The following ITSN2 variants were observed in gnomAD, a reference collection of about 807,000 sequenced individuals.
ITSN2 encodes intersectin-2.
Under a neutral mutation model 243.7 loss-of-function variants are expected in ITSN2, and 156 were observed. That is an observed-to-expected ratio of 0.64 (90% CI 0.56 to 0.73). The LOEUF (loss-of-function observed/expected upper bound fraction) is 0.73, where lower values mean the gene tolerates loss of function less well. Ranked by LOEUF, ITSN2 falls within the 30% of genes least tolerant of loss-of-function variation. The pLI, the probability that ITSN2 is intolerant of heterozygous loss-of-function variation, is 0.00. For missense variants in ITSN2, 1,801 were observed against 1,996.1 expected (o/e 0.90, Z 1.86); for synonymous variants, 703 against 699.9 (o/e 1.00, Z -0.07).
chr2:24,360,375 C>T lies in ITSN2; in HGVS notation c.-105G>A, dbSNP rs926992762. On this transcript the variant is annotated 5_prime_UTR_variant, in exon 1 of 40. Transcript: ENST00000355123. ...TCCCTCAGCACCGGCAGCCTGGGCG[C>T]GGGCAGGCGCGGGGAGACCCTGCTC... 1 of 152,266 alleles carries T rather than the reference C, an allele frequency of 6.6e-6. No individual in the cohort carries two copies. Among genetic ancestry groups the T allele is most frequent in the African/African-American group, 2.4e-5 (1 of 41,442 alleles). 9.4% of individuals were successfully genotyped at this position (152,266 alleles called of 1,614,324 possible). A position where few individuals can be genotyped will look rare whatever the true frequency, so the allele number is the denominator to read the frequency against.
rs745450832 is a variant in ITSN2, at chr2:24,203,784, C to G, written c.4937-1G>C. On this transcript the variant is annotated splice_acceptor_variant, in intron 39 of 39. Coordinates refer to ENST00000355123, the MANE Select transcript of ITSN2 (RefSeq NM_006277.3). LOFTEE classifies it high-confidence loss of function. ...GGAATTTCAGTACGACCCAGGAAAT[C>G]TGGTGAATAAACACAGGAGAGTCAG... The G allele has an allele frequency of 1.1e-5, 18 of 1,612,896 alleles. No individual in the cohort carries two copies. In the African/African-American group the frequency reaches 2.3e-4, roughly 20 times the overall value.
At position 24,218,021 on chromosome 2, in the gene ITSN2, C is replaced by T; in HGVS notation, c.3700-8G>A. On this transcript the variant is annotated splice_polypyrimidine_tract_variant and splice_region_variant and intron_variant, in intron 30 of 39. Transcript: ENST00000355123. ...CATGCGTTTCTGAAAAACCTAAAGT[C>T]AAAACATAGAAAAACTAGTTAGCTT... is the stretch of plus-strand genomic sequence containing the variant. The T allele has an allele frequency of 1.2e-6, 2 of 1,602,272 alleles. No homozygotes were observed. Among genetic ancestry groups the T allele is most frequent in the Non-Finnish European group, 1.7e-6 (2 of 1,169,336 alleles).
chr2:24,236,542 T>G (rs1558462940), intron 29 of ITSN2, among the ~76,000 whole-genome samples: 1 of 152,242 alleles, frequency 6.6e-6, no homozygotes, highest in Non-Finnish European at 1.5e-5. Flanking sequence ...TTTATCCTTC[T>G]GGATACTATT....
At chr2:24,277,702 C>T (rs372412420) in intron 17 of ITSN2, among the ~76,000 whole-genome samples, 2 of 152,162 alleles carry the variant, frequency 1.3e-5, no homozygotes, top group African/African-American at 4.8e-5. Context: ...ATAGTTTCCT[C>T]ATCAGTAAAA....
At chr2:24,286,006 T>C (rs1679450379) in intron 16 of ITSN2, among the ~76,000 whole-genome samples, 2 of 151,844 alleles carry the variant, frequency 1.3e-5, no homozygotes, top group African/African-American at 4.8e-5. Flanking sequence ...TTGGAAACTG[T>C]GATAAAGTAT....
rs78338167 is a variant in ITSN2, at chr2:24,340,484, A to G, written c.-33-12369T>C. ...TGACAGAACGAAACTCCATCTCAAA[A>G]AAAAAAAAAAGTTGAATGTACTTGT... On this transcript the variant is annotated intron_variant, in intron 1 of 39. Transcript: ENST00000355123. Among the ~76,000 whole-genome samples the G allele has an allele frequency of 3.2e-3, 480 of 152,156 alleles. 20 individuals are homozygous for G. The East Asian group carries it at 0.073, about 23-fold the overall frequency.
At chr2:24,355,094 A>G (rs1688326674) in intron 1 of ITSN2, among the ~76,000 whole-genome samples, 1 of 152,018 alleles carries the variant, frequency 6.6e-6, no homozygotes, top group Admixed American at 6.6e-5. Flanking sequence ...CTTTGCTCTC[A>G]TATCCTTTAA....
In ITSN2 at chr2:24,286,289, T is replaced by G. The variant is rs778178433; in HGVS notation, c.1786A>C (p.Lys596Gln). Residue 596 changes from lysine to glutamine, a missense_variant, in exon 16 of 40, where the codon AAA becomes CAA. This residue lies in a region of ITSN2 where 787 missense variants were observed against 803.9 expected (regional missense o/e 0.98). Coordinates refer to ENST00000355123, the MANE Select transcript of ITSN2 (RefSeq NM_006277.3). Reference protein sequence around the residue: ...LEKEELCQRLKEQLDALEKET... With the variant: ...LEKEELCQRLQEQLDALEKET... ...TTTTCAAGAGCATCTAACTGTTCTT[T>G]AAGTCTTTGGCATAATTCTTCCTTT... 1 of 1,605,946 alleles carries G rather than the reference T, an allele frequency of 6.2e-7. No individual in the cohort carries two copies. The highest frequency in any genetic ancestry group is 8.5e-7 in the Non-Finnish European group (1 of 1,172,946).
intron 29 of ITSN2, chr2:24,241,335 C>T (rs1439156197): frequency 6.6e-6 from 1 of 152,118 alleles, no homozygotes; most frequent in Non-Finnish European, 1.5e-5. Context: ...TGATGGGAGC[C>T]TTTCATTCCT....
At chr2:24,236,766 C>T (rs913335897) in intron 29 of ITSN2, among the ~76,000 whole-genome samples, 4 of 150,880 alleles carry the variant, frequency 2.7e-5, no homozygotes, top group African/African-American at 9.7e-5. Flanking sequence ...ATCTCCCAGG[C>T]TCAATTGAAC....
chr2:24,233,948 A>G (rs1044780380), intron 29 of ITSN2, among the ~76,000 whole-genome samples: 11 of 152,208 alleles, frequency 7.2e-5, no homozygotes, highest in Non-Finnish European at 1.3e-4. Context: ...TCTTTAAAGC[A>G]AAGTTTAAAA....
rs1683131909 is a variant in ITSN2 at position 24,310,537 on chromosome 2, C to A, written c.508G>T (p.Gly170Ter). The A allele has an allele frequency of 1.9e-6, 3 of 1,614,064 alleles. No individual in the cohort carries two copies. Among genetic ancestry groups the A allele is most frequent in the Non-Finnish European group, 2.5e-6 (3 of 1,180,004 alleles). The change falls in exon 6 of 40, where the codon GGA becomes TGA. Residue 170 changes from glycine (G) to a stop codon, truncating the protein, a stop_gained. Coordinates refer to ENST00000355123, the MANE Select transcript of ITSN2 (RefSeq NM_006277.3). LOFTEE classifies it high-confidence loss of function. ...PSVSTSSLPN[G>*]TASLIQPLPI... ...AAAGGCTGAATGAGACTGGCGGTTCCATTTGGTAATGATGATGTGCTAACA... is the reference window on the plus strand; with the variant it reads ...AAAGGCTGAATGAGACTGGCGGTTCAATTTGGTAATGATGATGTGCTAACA...
chr2:24,229,744 C>T (rs909961315), intron 29 of ITSN2, among the ~76,000 whole-genome samples: 8 of 152,158 alleles, frequency 5.3e-5, no homozygotes, highest in African/African-American at 1.9e-4. Context: ...CCTAATCTCC[C>T]CAGGTAGCCT....
At chr2:24,230,746 C>T (rs1016014984) in intron 29 of ITSN2, among the ~76,000 whole-genome samples, 7 of 151,646 alleles carry the variant, frequency 4.6e-5, no homozygotes, top group African/African-American at 1.5e-4. Context: ...CCAGCCTGGG[C>T]GACAAGAGTG....
chr2:24,280,023 T>A (rs1310752676), intron 17 of ITSN2, among the ~76,000 whole-genome samples: 1 of 152,090 alleles, frequency 6.6e-6, no homozygotes, highest in Non-Finnish European at 1.5e-5. Flanking sequence ...TGAGCCACAG[T>A]ACCTGGCCAG....
At chr2:24,314,205 T>A (rs770874067) in intron 3 of ITSN2, among the ~76,000 whole-genome samples, 2 of 152,228 alleles carry the variant, frequency 1.3e-5, no homozygotes, top group African/African-American at 2.4e-5. Context: ...CAATGCTCAT[T>A]TTGCTAGTTA....
At position 24,328,133 on chromosome 2, in the gene ITSN2, T is replaced by C. The variant is rs1354781347; in HGVS notation, c.-33-18A>G. ...TCAGCCATCTGCAACATAAAAATAT[T>C]GTGCCGTTGATAATACAACAAGGGC... On this transcript the variant is annotated intron_variant, in intron 1 of 39. Coordinates refer to ENST00000355123, the MANE Select transcript of ITSN2 (RefSeq NM_006277.3). The C allele has an allele frequency of 1.3e-6, 2 of 1,595,104 alleles. No homozygotes were observed. Among genetic ancestry groups the C allele is most frequent in the Non-Finnish European group, 1.7e-6 (2 of 1,163,468 alleles).
chr2:24,325,927 A>T (rs1187045911), intron 2 of ITSN2, among the ~76,000 whole-genome samples: 2 of 152,050 alleles, frequency 1.3e-5, no homozygotes, highest in African/African-American at 4.8e-5. Flanking sequence ...ACGTATATAC[A>T]TACACACACA....
rs1032998312 is a variant in ITSN2, at chr2:24,209,991, T to G, written c.4300A>C (p.Lys1434Gln). The G allele has an allele frequency of 6.2e-7, 1 of 1,614,086 alleles. No individual in the cohort carries two copies. The highest frequency in any genetic ancestry group is 8.5e-7 in the Non-Finnish European group (1 of 1,180,008). The change falls in exon 35 of 40, where the codon AAG (lysine) becomes CAG (glutamine). Residue 1434 changes from lysine (K) to glutamine (Q), a missense_variant. Physicochemically the swap from Lys to Gln is moderately conservative, Grantham distance 53 (BLOSUM62 1). Around this residue, in one of 5 missense-constraint regions of ITSN2, gnomAD observed 928 missense variants for 1,065.4 expected, o/e 0.87. Coordinates refer to ENST00000355123, the MANE Select transcript of ITSN2 (RefSeq NM_006277.3). ...TATAATTTCCCACTGTGTAAGAGCT[T>G]CCGGGGCCCCAGGCAGTTGGTGAGA... is the stretch of plus-strand genomic sequence containing the variant. ...NSLTNCLGPR[K>Q]LLHSGKLYKT...
Sources: allele counts gnomAD v4.1 joint callset (sites outside exome capture counted in the v4.1 genomes callset), GRCh38; gene constraint gnomAD v4.1.1; regional missense constraint gnomAD v4.1.1; transcripts MANE v1.5; gene names NCBI Gene and HGNC (gene_info 2026-07-23, HGNC 2026-07-21).